Variants in RRH observed in about 807,000 individuals in gnomAD.
RRH encodes the protein retinal pigment epithelium-derived rhodopsin homolog, also known as visual pigment-like receptor peropsin.
In RRH, 36 loss-of-function variants were observed where a neutral mutation model predicts 33.1. The observed-to-expected ratio is 1.09, with a 90% CI of 0.83 to 1.44. The LOEUF is 1.44. Ranked by LOEUF, RRH falls within the 40% of genes most tolerant of loss-of-function variation. The pLI is 0.00. For synonymous variants in RRH, 124 were observed against 140.2 expected, an observed-to-expected ratio of 0.88 and a Z score of 0.82; for missense variants, 393 against 420.2, an observed-to-expected ratio of 0.94 and a Z score of 0.57.
At chr4:109,840,197 T>G (rs1178146521) in intron 5 of RRH, among the ~76,000 whole-genome samples, 2 of 152,184 alleles carry the variant, frequency 1.3e-5, no homozygotes, top group Admixed American at 1.3e-4. Flanking sequence ...GTGGTTTTGA[T>G]TTGCATTTCT....
intron 5 of RRH, 26 bp from the exon 6 acceptor site, chr4:109,842,443 C>G (rs1033462392): frequency 1.2e-6 from 2 of 1,606,006 alleles, no homozygotes; most frequent in African/African-American, 1.3e-5. Flanking sequence ...AGGTATTGGG[C>G]TTGGTGAATA....
Position 109,836,918 on chromosome 4 carries a change from G to C in RRH, c.552-519G>C, listed in dbSNP as rs532217376. On this transcript the variant is annotated intron_variant, in intron 4 of 6. Transcript: ENST00000317735. The stretch of plus-strand genomic sequence containing the variant: ...AAAAAAAAAAAAAAAAAAAGCAGAG[G>C]GTGGTGCGGGGGGTGGGAAATTAGC... 2.9e-5 allele frequency among the ~76,000 whole-genome samples: 4 copies of C among 135,738 alleles called. No homozygotes were observed. The East Asian group carries it at 7.0e-4, about 24-fold the overall frequency. The allele number at this position is 135,738 out of a possible 152,430, so 89.0% of individuals were successfully genotyped here.
At chr4:109,840,754 T>C (rs1203042902) in intron 5 of RRH, among the ~76,000 whole-genome samples, 1 of 151,832 alleles carries the variant, frequency 6.6e-6, no homozygotes, top group Non-Finnish European at 1.5e-5. Context: ...TTTTTTTTTT[T>C]CTTTGCCTGT....
intron 2 of RRH, among the ~76,000 whole-genome samples, chr4:109,834,325 C>CTTTTTTTTTTTTTT (rs70954188): frequency 7.5e-6 from 1 of 132,930 alleles, no homozygotes; most frequent in Admixed American, 7.9e-5. Flanking sequence ...TTTTCTTTTC[C>CTTTTTTTTTTTTTT]TTTTTTTTTT....
rs990757501 is a variant in RRH at position 109,835,302 on chromosome 4, A to C, written c.298-64A>C. ...TTTGAGATATATTCTAACAATGGAC[A>C]AAAATTTAATGTTTCTTGGGAGGGT... is the stretch of plus-strand genomic sequence containing the variant. On this transcript the variant is annotated intron_variant, in intron 2 of 6. Transcript: ENST00000317735. 4.4e-6 allele frequency: 5 copies of C among 1,142,882 alleles called. No homozygotes were observed. In the Admixed American group the frequency reaches 6.8e-5, roughly 16 times the overall value. The allele number at this position is 1,142,882 out of a possible 1,614,324, so 70.8% of individuals were successfully genotyped here. A position where few individuals can be genotyped will look rare whatever the true frequency, so the allele number is the denominator to read the frequency against.
chr4:109,843,553 A>G (rs1158223742), intron 6 of RRH, among the ~76,000 whole-genome samples: 1 of 152,258 alleles, frequency 6.6e-6, no homozygotes, highest in Non-Finnish European at 1.5e-5. Context: ...TTGGAAAAGC[A>G]GCTTTAGCTA....
chr4:109,829,185 AC>A (rs35483405), intron 1 of RRH, among the ~76,000 whole-genome samples: 151,997 of 152,180 alleles, frequency 1, 75,907 homozygotes, highest in Middle Eastern at 1. Flanking sequence ...ATAATTGTTT[AC>A]GTTTCTTCCT....
At chr4:109,830,638 A>C (rs1453259415) in intron 1 of RRH, among the ~76,000 whole-genome samples, 4 of 152,150 alleles carry the variant, frequency 2.6e-5, no homozygotes, top group Non-Finnish European at 5.9e-5. Flanking sequence ...CTCTCAGTTC[A>C]GTTTGAGAGG....
Position 109,844,302 on chromosome 4 carries a change from T to C in RRH, c.*105T>C, listed in dbSNP as rs1734040851. 4.0e-6 allele frequency: 3 copies of C among 746,278 alleles called. No individual in the cohort carries two copies. The East Asian group carries it at 8.3e-5, about 21-fold the overall frequency. The allele number at this position is 746,278 out of a possible 1,614,324, so 46.2% of individuals were successfully genotyped here. A position where few individuals can be genotyped will look rare whatever the true frequency, so the allele number is the denominator to read the frequency against. On this transcript the variant is annotated 3_prime_UTR_variant, in exon 7 of 7. Coordinates refer to ENST00000317735, the MANE Select transcript of RRH (RefSeq NM_006583.5). ...CAAGTGCAGACATGGATCATTGTCC[T>C]ATGAGAGTGTAAGCTCCTCAAGCAC...
At chr4:109,830,117 A>G (rs1733718641) in intron 1 of RRH, among the ~76,000 whole-genome samples, 1 of 152,170 alleles carries the variant, frequency 6.6e-6, no homozygotes. Context: ...TGCAACAGAC[A>G]TTTTGTTAAT....
chr4:109,833,338 G>A lies in RRH; in HGVS notation c.297+9G>A, dbSNP rs886401935. Reference sequence around the variant, plus strand: ...GATACGCAGGCTGTCAGGTATTGGAGATCATTGGAATGAAAGCAAAATAAA... The same window carrying A: ...GATACGCAGGCTGTCAGGTATTGGAAATCATTGGAATGAAAGCAAAATAAA... On this transcript the variant is annotated intron_variant, in intron 2 of 6. Coordinates refer to ENST00000317735, the MANE Select transcript of RRH (RefSeq NM_006583.5). The A allele has an allele frequency of 4.3e-6, 7 of 1,610,466 alleles. No individual in the cohort carries two copies. The highest frequency in any genetic ancestry group is 5.9e-6 in the Non-Finnish European group (7 of 1,176,866).
intron 2 of RRH, among the ~76,000 whole-genome samples, chr4:109,834,634 C>T (rs34717063): frequency 0.19 from 29,266 of 151,098 alleles, 3,470 homozygotes; most frequent in East Asian, 0.43. Context: ...TGAGCCACTG[C>T]GCCCGGACCC....
At position 109,835,435 on chromosome 4, in the gene RRH, C is replaced by T. The variant is rs568068949; in HGVS notation, c.367C>T (p.Arg123Ter). Residue 123 changes from arginine to a stop codon, truncating the protein, a stop_gained, in exon 3 of 7, where the codon CGA becomes TGA. Coordinates refer to ENST00000317735, the MANE Select transcript of RRH (RefSeq NM_006583.5). LOFTEE classifies it high-confidence loss of function. ...ATTACTCACGGTCGTGGCTGTGGACCGATACCTGACCATCTGCCTTCCTGA... is the reference window on the plus strand; with the variant it reads ...ATTACTCACGGTCGTGGCTGTGGACTGATACCTGACCATCTGCCTTCCTGA... ...IGLLTVVAVD[R>*]YLTICLPDVG... 1.5e-5 allele frequency: 24 copies of T among 1,613,806 alleles called. No individual in the cohort carries two copies. Among genetic ancestry groups the T allele is most frequent in the Middle Eastern group, 3.3e-4 (2 of 6,062 alleles).
intron 5 of RRH, among the ~76,000 whole-genome samples, chr4:109,838,318 A>T (rs2125893768): frequency 6.6e-6 from 1 of 152,274 alleles, no homozygotes; most frequent in East Asian, 1.9e-4. Flanking sequence ...CACAGATGTG[A>T]TGAACCTTAT....
At chr4:109,833,808 T>G (rs1214027248) in intron 2 of RRH, among the ~76,000 whole-genome samples, 1 of 150,824 alleles carries the variant, frequency 6.6e-6, no homozygotes, top group Non-Finnish European at 1.5e-5. Context: ...TTAATTTGCC[T>G]TAAGACAGTA....
intron 5 of RRH, 125 bp from the exon 6 acceptor site, chr4:109,842,344 C>G (rs1021869523): frequency 3.5e-6 from 3 of 846,630 alleles, no homozygotes; most frequent in Non-Finnish European, 5.4e-6. Context: ...CAACTATTTC[C>G]TTTATGTCAT....
chr4:109,830,534 A>G (rs146944069), intron 1 of RRH, among the ~76,000 whole-genome samples: 1 of 152,090 alleles, frequency 6.6e-6, no homozygotes, highest in African/African-American at 2.4e-5. Context: ...GATGATGCCT[A>G]GGTTTCTTTT....
chr4:109,843,864 A>G lies in RRH; in HGVS notation c.900-219A>G, dbSNP rs113325492. Among the ~76,000 whole-genome samples, 1,002 of 152,300 alleles carry G rather than the reference A, an allele frequency of 6.6e-3. 10 individuals carry two copies. Among genetic ancestry groups the G allele is most frequent in the African/African-American group, 0.022 (934 of 41,568 alleles). ...ACCTTATATATTTATAAAGTTTCTC[A>G]ACAGGAAATCTATAGAATCAATAGT... On this transcript the variant is annotated intron_variant, in intron 6 of 6. Transcript: ENST00000317735.
chr4:109,840,719 G>T (rs1733968299), intron 5 of RRH, among the ~76,000 whole-genome samples: 1 of 145,012 alleles, frequency 6.9e-6, no homozygotes, highest in African/African-American at 2.5e-5. Flanking sequence ...ACATATTTTT[G>T]TTTCCCCTGA....
Sources: gnomAD v4.1 joint callset for allele counts (sites outside exome capture counted in the v4.1 genomes callset) on GRCh38, gnomAD v4.1.1 for gene constraint, MANE v1.5 for transcripts, NCBI Gene and HGNC (gene_info 2026-07-23, HGNC 2026-07-21) for gene names.